Variants in COL11A1 observed in about 807,000 individuals in gnomAD.
COL11A1 encodes the protein collagen alpha-1(XI) chain.
In COL11A1, 74 loss-of-function variants were observed where a neutral mutation model predicts 265.2. The observed-to-expected ratio is 0.28, with a 90% CI of 0.23 to 0.34. COL11A1 has a LOEUF of 0.34. COL11A1 is among the 10% of genes least tolerant of loss of function. The pLI is 1.00. For synonymous variants in COL11A1, 816 were observed against 727.6 expected, an observed-to-expected ratio of 1.12 and a Z score of -1.96; for missense variants, 2,165 against 2,263.6, an observed-to-expected ratio of 0.96 and a Z score of 0.88.
chr1:103,011,999 G>C (rs1338798977), intron 14 of COL11A1, among the ~76,000 whole-genome samples: 1 of 152,074 alleles, frequency 6.6e-6, no homozygotes, highest in Non-Finnish European at 1.5e-5. Flanking sequence ...AAAGTATCTT[G>C]CTTGCCCTAA....
chr1:102,963,572 G>A (rs984118159), intron 38 of COL11A1, among the ~76,000 whole-genome samples: 1 of 152,018 alleles, frequency 6.6e-6, no homozygotes, highest in Non-Finnish European at 1.5e-5. Flanking sequence ...AGATGCTAAG[G>A]TTGTTAAACA....
At chr1:103,083,250 G>GTGTGTC (rs1672574056) in intron 1 of COL11A1, among the ~76,000 whole-genome samples, 1 of 106,038 alleles carries the variant, frequency 9.4e-6, no homozygotes, top group South Asian at 2.6e-4. Context: ...GTCTGTGTCT[G>GTGTGTC]TGTGTGTGTG....
intron 23 of COL11A1, 94 bp from the exon 24 acceptor site, chr1:103,002,063 G>A (rs1174876754): frequency 4.0e-6 from 4 of 1,007,834 alleles, no homozygotes; most frequent in Admixed American, 1.8e-5. Context: ...AGTACACAGT[G>A]AGTTATAAGA....
In COL11A1 at chr1:103,007,329, T is replaced by G. The variant is rs1665716009; in HGVS notation, c.1684-1014A>C. On this transcript the variant is annotated intron_variant, in intron 15 of 66. Coordinates refer to ENST00000370096, the MANE Select transcript of COL11A1 (RefSeq NM_001854.4). ...ATAATGTGTCAATATATACTTTTCG[T>G]GGGGATCGATATACATATTTTAAAA... Among the ~76,000 whole-genome samples the G allele has an allele frequency of 2.6e-5, 4 of 152,164 alleles. No homozygotes were observed. The South Asian group carries it at 8.3e-4, about 31-fold the overall frequency.
At chr1:102,959,582 T>C (rs961250049) in intron 41 of COL11A1, among the ~76,000 whole-genome samples, 3 of 151,292 alleles carry the variant, frequency 2.0e-5, no homozygotes, top group Non-Finnish European at 4.4e-5. Flanking sequence ...TATTTAGTCT[T>C]TGGTGTATTT....
At chr1:103,055,780 T>G (rs1479001524) in intron 4 of COL11A1, among the ~76,000 whole-genome samples, 2 of 152,216 alleles carry the variant, frequency 1.3e-5, no homozygotes, top group Non-Finnish European at 2.9e-5. Context: ...AATTCTTCTC[T>G]TCCAATGTGG....
rs191834276 is a variant in COL11A1, at chr1:102,996,990, C to T, written c.2241+90G>A. On this transcript the variant is annotated intron_variant, in intron 26 of 66. Coordinates refer to ENST00000370096, the MANE Select transcript of COL11A1 (RefSeq NM_001854.4). ...TTTATACCCAAAATAACTATATGAACGTGATTTATATATATGAGATGACCA... is the reference window on the plus strand; with the variant it reads ...TTTATACCCAAAATAACTATATGAATGTGATTTATATATATGAGATGACCA... 1,586 of 1,036,584 alleles carry T rather than the reference C, an allele frequency of 1.5e-3. 2 individuals are homozygous for T. The highest frequency in any genetic ancestry group is 2.0e-3 in the Non-Finnish European group (1,291 of 659,532). The allele number at this position is 1,036,584 out of a possible 1,614,324, so 64.2% of individuals were successfully genotyped here. A position where few individuals can be genotyped will look rare whatever the true frequency, so the allele number is the denominator to read the frequency against.
chr1:103,035,583 T>C (rs1350910395), intron 4 of COL11A1, among the ~76,000 whole-genome samples: 1 of 152,082 alleles, frequency 6.6e-6, no homozygotes, highest in Non-Finnish European at 1.5e-5. Context: ...ATTCACTCTC[T>C]CAAATAGTGC....
At chr1:102,884,326 A>C (rs952137550) in intron 63 of COL11A1, 2 of 152,126 alleles carry the variant, frequency 1.3e-5, no homozygotes, top group African/African-American at 4.8e-5. Context: ...TCAGACATAA[A>C]CAGGGCAGGA....
At chr1:102,909,640 A>G (rs1335984700) in intron 54 of COL11A1, among the ~76,000 whole-genome samples, 1 of 152,102 alleles carries the variant, frequency 6.6e-6, no homozygotes, top group South Asian at 2.1e-4. Context: ...ATTATATCTC[A>G]TTTAACTAGA....
In COL11A1 at chr1:102,987,707, C is replaced by G. The variant is rs1375285705; in HGVS notation, c.2428G>C (p.Asp810His). Residue 810 changes from aspartate to histidine, a missense_variant, in exon 30 of 67, where the codon GAT becomes CAT. Transcript: ENST00000370096. ...CGACCTTTGGGTCCTTCAGGGCCAT[C>G]TTCCCCTCTTGGGCCAATTTGACCA... is the stretch of plus-strand genomic sequence containing the variant. The part of the protein sequence containing the change: ...EVGQIGPRGE[D>H]GPEGPKGRAG... 1 of 1,613,612 alleles carries G rather than the reference C, an allele frequency of 6.2e-7. No individual in the cohort carries two copies.
At chr1:102,905,244 G>T (rs889689224) in intron 54 of COL11A1, among the ~76,000 whole-genome samples, 3 of 99,494 alleles carry the variant, frequency 3.0e-5, no homozygotes, top group African/African-American at 3.9e-5. Flanking sequence ...GAGGGGGGAG[G>T]GATAGCATTA....
At chr1:103,026,064 A>G in intron 6 of COL11A1, 152 bp downstream of exon 6, 1 of 1,236,874 alleles carries the variant, frequency 8.1e-7, no homozygotes, top group Non-Finnish European at 1.2e-6. Flanking sequence ...CATTCTTCAA[A>G]ACGGCTACTG....
chr1:103,069,016 A>C (rs1246698475), intron 4 of COL11A1, among the ~76,000 whole-genome samples: 2 of 151,746 alleles, frequency 1.3e-5, no homozygotes, highest in Non-Finnish European at 3.0e-5. Context: ...CTGTAGGTTA[A>C]ATGAAATCCC....
chr1:102,898,116 C>A lies in COL11A1; in HGVS notation c.4302+9G>T. ...TCACTTTTTAAATGACTGAAAAGATCTTACTCACCATAGGACCAGGTGGTC... is the reference window on the plus strand; with the variant it reads ...TCACTTTTTAAATGACTGAAAAGATATTACTCACCATAGGACCAGGTGGTC... On this transcript the variant is annotated intron_variant, in intron 57 of 66. Coordinates refer to ENST00000370096, the MANE Select transcript of COL11A1 (RefSeq NM_001854.4). The A allele has an allele frequency of 6.4e-7, 1 of 1,553,738 alleles. No individual in the cohort carries two copies.
intron 28 of COL11A1, among the ~76,000 whole-genome samples, chr1:102,991,842 T>G (rs1044516416): frequency 2.6e-5 from 4 of 151,988 alleles, no homozygotes; most frequent in African/African-American, 4.8e-5. Flanking sequence ...GAATTTTTTT[T>G]TTTTTTTTCA....
At chr1:102,979,881 A>T (rs932960654) in intron 31 of COL11A1, among the ~76,000 whole-genome samples, 6 of 152,140 alleles carry the variant, frequency 3.9e-5, no homozygotes, top group Non-Finnish European at 8.8e-5. Context: ...TATAGTTACC[A>T]CTTTTGAGTT....
intron 4 of COL11A1, among the ~76,000 whole-genome samples, chr1:103,036,008 G>A (rs1002685203): frequency 6.6e-6 from 1 of 151,518 alleles, no homozygotes; most frequent in Non-Finnish European, 1.5e-5. Flanking sequence ...AAAAAGCAAA[G>A]AGAAATTTGA....
intron 4 of COL11A1, among the ~76,000 whole-genome samples, chr1:103,056,632 A>G (rs1159754114): frequency 6.6e-6 from 1 of 152,166 alleles, no homozygotes; most frequent in Non-Finnish European, 1.5e-5. Context: ...TCTTAAAAAA[A>G]GCATGCCCTC....
Sources: allele counts gnomAD v4.1 joint callset (sites outside exome capture counted in the v4.1 genomes callset), GRCh38; gene constraint gnomAD v4.1.1; transcripts MANE v1.5; gene names NCBI Gene and HGNC (gene_info 2026-07-23, HGNC 2026-07-21).